DLG2: variants seen among roughly 807,000 people sequenced by gnomAD.
The protein encoded by DLG2 is discs large MAGUK scaffold protein 2.
In DLG2, 45 loss-of-function variants were observed where a neutral mutation model predicts 132.5. The observed-to-expected ratio is 0.34, with a 90% CI of 0.27 to 0.44. DLG2 has a LOEUF of 0.44. Among genes scored for constraint, DLG2 ranks in the 20% least tolerant of loss-of-function variants. The pLI, the probability that DLG2 is intolerant of heterozygous loss-of-function variation, is 1.00. For missense variants in DLG2, 1,045 were observed against 1,196.9 expected (o/e 0.87, Z 1.87); for synonymous variants, 424 against 419.6 (o/e 1.01, Z -0.13).
chr11:85,077,590 T>C (rs1373277498), intron 6 of DLG2, among the ~76,000 whole-genome samples: 1 of 152,042 alleles, frequency 6.6e-6, no homozygotes, highest in Non-Finnish European at 1.5e-5. Flanking sequence ...CACTCAATAT[T>C]AATGCAAATC....
chr11:85,410,849 T>C (rs1274219775), intron 3 of DLG2, among the ~76,000 whole-genome samples: 1 of 151,740 alleles, frequency 6.6e-6, no homozygotes, highest in Non-Finnish European at 1.5e-5. Flanking sequence ...GCAGTGATTA[T>C]AAAAACTAAA....
chr11:84,773,664 A>G (rs2069834279), intron 6 of DLG2, among the ~76,000 whole-genome samples: 1 of 152,202 alleles, frequency 6.6e-6, no homozygotes, highest in Non-Finnish European at 1.5e-5. Context: ...AATGTGATTC[A>G]CATAAACAGA....
Position 83,851,162 on chromosome 11 carries a change from G to C in DLG2, c.1566-17392C>G, listed in dbSNP as rs1487965716. Among the ~76,000 whole-genome samples, 3 of 135,508 alleles carry C rather than the reference G, an allele frequency of 2.2e-5. No homozygotes were observed. The Admixed American group carries it at 2.3e-4, about 10-fold the overall frequency. 88.9% of individuals were successfully genotyped at this position (135,508 alleles called of 152,430 possible). On this transcript the variant is annotated intron_variant, in intron 16 of 27. Transcript: ENST00000376104. ...ACTGTACTCCAGCCTGGGTGACAGAGTGAGACTCCGTCTCAAAAAAAAAAA... is the reference window on the plus strand; with the variant it reads ...ACTGTACTCCAGCCTGGGTGACAGACTGAGACTCCGTCTCAAAAAAAAAAA...
intron 3 of DLG2, among the ~76,000 whole-genome samples, chr11:85,412,483 A>G (rs989857286): frequency 6.6e-6 from 1 of 151,580 alleles, no homozygotes; most frequent in African/African-American, 2.4e-5. Context: ...GGCAGTATAC[A>G]CTGCACCATA....
rs186073369 is a variant in DLG2 at position 84,002,795 on chromosome 11, C to T, written c.920-22153G>A. The stretch of plus-strand genomic sequence containing the variant: ...TTTTTCCCATTGTCTTGGTGATTAA[C>T]GTTGGTTCCTTGTTCATTATGAAAA... On this transcript the variant is annotated intron_variant, in intron 11 of 27. Transcript: ENST00000376104. 2.4e-3 allele frequency among the ~76,000 whole-genome samples: 368 copies of T among 152,246 alleles called. 4 individuals are homozygous for T. Among genetic ancestry groups the T allele is most frequent in the Admixed American group, 0.02 (309 of 15,286 alleles).
At chr11:83,588,652 C>T (rs1029212575) in intron 19 of DLG2, among the ~76,000 whole-genome samples, 3 of 151,442 alleles carry the variant, frequency 2.0e-5, no homozygotes, top group Non-Finnish European at 4.4e-5. Context: ...ATGACTTTGA[C>T]GAGCTGAGAG....
At chr11:85,512,660 T>C (rs2094100271) in intron 3 of DLG2, among the ~76,000 whole-genome samples, 1 of 152,050 alleles carries the variant, frequency 6.6e-6, no homozygotes. Context: ...ACTTCTTTAG[T>C]AACAACTTTT....
intron 4 of DLG2, among the ~76,000 whole-genome samples, chr11:85,223,859 T>G (rs1370388510): frequency 6.6e-6 from 1 of 152,054 alleles, no homozygotes; most frequent in Non-Finnish European, 1.5e-5. Context: ...CTAAGTAAAA[T>G]GTGTGCTTAC....
chr11:85,473,014 C>T (rs756217700), intron 3 of DLG2, among the ~76,000 whole-genome samples: 4 of 152,246 alleles, frequency 2.6e-5, no homozygotes, highest in Non-Finnish European at 5.9e-5. Flanking sequence ...TTGCTGGCAT[C>T]TCCAAGTTTT....
chr11:85,187,725 T>TA (rs1180645761), intron 4 of DLG2, among the ~76,000 whole-genome samples: 10 of 152,068 alleles, frequency 6.6e-5, no homozygotes, highest in African/African-American at 2.4e-4. Flanking sequence ...GGAAAAGTAG[T>TA]AAGAACCAGT....
At chr11:85,276,192 T>C (rs1276888347) in intron 4 of DLG2, among the ~76,000 whole-genome samples, 1 of 152,154 alleles carries the variant, frequency 6.6e-6, no homozygotes, top group Non-Finnish European at 1.5e-5. Context: ...ATTTTCAAAG[T>C]TGGATTGACC....
At chr11:84,838,510 G>A (rs758575506) in intron 6 of DLG2, among the ~76,000 whole-genome samples, 4 of 151,904 alleles carry the variant, frequency 2.6e-5, no homozygotes, top group African/African-American at 7.2e-5. Context: ...ATTGTCAACT[G>A]CTACAACCAC....
At chr11:83,778,880 C>A (rs1341329878) in intron 18 of DLG2, among the ~76,000 whole-genome samples, 1 of 151,994 alleles carries the variant, frequency 6.6e-6, no homozygotes, top group African/African-American at 2.4e-5. Flanking sequence ...GGGGAGGAAA[C>A]AAAGGCAACT....
chr11:85,579,614 T>C (rs1163950148), intron 3 of DLG2, among the ~76,000 whole-genome samples: 1 of 151,846 alleles, frequency 6.6e-6, no homozygotes, highest in African/African-American at 2.4e-5. Context: ...GGGTGGAGAG[T>C]GAAGGACACA....
At chr11:84,204,559 T>C (rs983379746) in intron 8 of DLG2, among the ~76,000 whole-genome samples, 4 of 152,110 alleles carry the variant, frequency 2.6e-5, no homozygotes, top group African/African-American at 9.7e-5. Context: ...AAGAAACAGA[T>C]AAATTACTAA....
At chr11:84,451,280 T>TTTCG (rs2099050891) in intron 7 of DLG2, among the ~76,000 whole-genome samples, 2 of 151,954 alleles carry the variant, frequency 1.3e-5, no homozygotes, top group African/African-American at 4.8e-5. Context: ...GTCTTAGAAA[T>TTTCG]TTAATTATCT....
intron 19 of DLG2, among the ~76,000 whole-genome samples, chr11:83,569,201 GTTTTT>G (rs769756954): frequency 8.4e-4 from 110 of 130,368 alleles, no homozygotes; most frequent in Non-Finnish European, 1.5e-3. Flanking sequence ...GCTTTATGCT[GTTTTT>G]TTTAATTCTG....
At chr11:84,597,444 A>C (rs1406198535) in intron 6 of DLG2, among the ~76,000 whole-genome samples, 3 of 152,216 alleles carry the variant, frequency 2.0e-5, no homozygotes, top group Non-Finnish European at 4.4e-5. Context: ...CAAATGCTAG[A>C]ATCCAAAAAT....
chr11:84,375,669 AT>A (rs11371352), intron 7 of DLG2, among the ~76,000 whole-genome samples: 108 of 147,822 alleles, frequency 7.3e-4, no homozygotes, highest in East Asian at 1.4e-3. Flanking sequence ...CAACTGGAAT[AT>A]TTTTTTTTTT....
Sources: allele counts gnomAD v4.1 joint callset (sites outside exome capture counted in the v4.1 genomes callset), GRCh38; gene constraint gnomAD v4.1.1; transcripts MANE v1.5; gene names NCBI Gene and HGNC (gene_info 2026-07-23, HGNC 2026-07-21).